KLHDC7A: variants seen among roughly 807,000 people sequenced by gnomAD.
KLHDC7A encodes the protein kelch domain containing 7A.
For synonymous variants in KLHDC7A, 464 were observed against 461.0 expected, an observed-to-expected ratio of 1.01 and a Z score of -0.08; for missense variants, 1,123 against 1,052.6, an observed-to-expected ratio of 1.07 and a Z score of -0.93.
At position 18,482,508 on chromosome 1, in the gene KLHDC7A, T is replaced by C. The variant is rs759599444; in HGVS notation, c.1527T>C (p.Cys509=). 14 of 1,611,956 alleles carry C rather than the reference T, an allele frequency of 8.7e-6. No individual in the cohort carries two copies. Among genetic ancestry groups the C allele is most frequent in the Admixed American group, 1.7e-5 (1 of 60,010 alleles). ...CCAAGGAAGACTCCGGCGGCCTCTG[T>C]TGCTATGACGATGAGCAGGATGTCT... is the stretch of plus-strand genomic sequence containing the variant. ...VCPKEDSGGL[C]CYDDEQDVWR... The change falls in exon 1 of 1, where the codon TGT becomes TGC. Residue 509 remains cysteine (C), a synonymous_variant. Transcript: ENST00000400664.
In KLHDC7A at chr1:18,484,412, G is replaced by A. The variant is rs2086920738; in HGVS notation, c.*1097G>A. Reference sequence around the variant, plus strand: ...CTGTCCTTCCAGGAGGGACGGGAGAGAGCCTGACCCAGTGTATTACCACAG... The same window carrying A: ...CTGTCCTTCCAGGAGGGACGGGAGAAAGCCTGACCCAGTGTATTACCACAG... On this transcript the variant is annotated 3_prime_UTR_variant, in exon 1 of 1. Transcript: ENST00000400664. The A allele has an allele frequency of 4.1e-6, 1 of 241,768 alleles. No individual in the cohort carries two copies. Among genetic ancestry groups the A allele is most frequent in the South Asian group, 6.5e-5 (1 of 15,428 alleles). The allele number at this position is 241,768 out of a possible 1,614,324, so 15.0% of individuals were successfully genotyped here. A position where few individuals can be genotyped will look rare whatever the true frequency, so the allele number is the denominator to read the frequency against.
rs976018040 is a variant in KLHDC7A at position 18,481,821 on chromosome 1, G to T, written c.840G>T (p.Gly280=). 4.3e-6 allele frequency: 7 copies of T among 1,614,100 alleles called. No homozygotes were observed. The highest frequency in any genetic ancestry group is 5.9e-6 in the Non-Finnish European group (7 of 1,180,010). The change falls in exon 1 of 1, where the codon GGG becomes GGT. Residue 280 remains glycine (G), a synonymous_variant. Transcript: ENST00000400664. ...MEEHFIQKAE[G]VEPRLKGKVY... is the part of the protein sequence containing the mutation. ...AGCATTTCATACAGAAGGCGGAGGG[G>T]GTTGAGCCCCGGCTCAAGGGCAAGG... is the stretch of plus-strand genomic sequence containing the variant.
chr1:18,481,936 C>A lies in KLHDC7A; in HGVS notation c.955C>A (p.Pro319Thr), dbSNP rs1452627019. The A allele has an allele frequency of 3.1e-6, 5 of 1,613,196 alleles. No homozygotes were observed. In the African/African-American group the frequency reaches 6.7e-5, roughly 22 times the overall value. Reference protein sequence around the residue: ...RTAALTEVPSPRPPPGSLGTG... With the variant: ...RTAALTEVPSTRPPPGSLGTG... ...AGCAGCCCTGACTGAGGTTCCATCC[C>A]CTAGGCCACCGCCAGGGTCCCTGGG... is the stretch of plus-strand genomic sequence containing the variant. Residue 319 changes from proline (P) to threonine (T), a missense_variant, in exon 1 of 1, where the codon CCT becomes ACT. Transcript: ENST00000400664.
chr1:18,483,476 A>T lies in KLHDC7A; in HGVS notation c.*161A>T. On this transcript the variant is annotated 3_prime_UTR_variant, in exon 1 of 1. Transcript: ENST00000400664. ...TCCTCCCCTAGCTGGGGAGAGAGGG[A>T]TCTTAGATGAGTCTTACCCTTCATG... The T allele has an allele frequency of 6.9e-7, 1 of 1,454,570 alleles. No homozygotes were observed. Among genetic ancestry groups the T allele is most frequent in the Non-Finnish European group, 9.1e-7 (1 of 1,102,422 alleles). 90.1% of individuals were successfully genotyped at this position (1,454,570 alleles called of 1,614,324 possible).
Position 18,483,473 on chromosome 1 carries a change from G to T in KLHDC7A, c.*158G>T. On this transcript the variant is annotated 3_prime_UTR_variant, in exon 1 of 1. Transcript: ENST00000400664. ...TTCTCCTCCCCTAGCTGGGGAGAGA[G>T]GGATCTTAGATGAGTCTTACCCTTC... 1 of 1,457,272 alleles carries T rather than the reference G, an allele frequency of 6.9e-7. No individual in the cohort carries two copies. The allele number at this position is 1,457,272 out of a possible 1,614,324, so 90.3% of individuals were successfully genotyped here. A position where few individuals can be genotyped will look rare whatever the true frequency, so the allele number is the denominator to read the frequency against.
At position 18,485,723 on chromosome 1, in the gene KLHDC7A, G is replaced by A. The variant is rs1204434226; in HGVS notation, c.*2408G>A. On this transcript the variant is annotated 3_prime_UTR_variant, in exon 1 of 1. Coordinates refer to ENST00000400664, the MANE Select transcript of KLHDC7A (RefSeq NM_152375.3). ...CAAGACCTTGGAAAGACACCCTGAG[G>A]GCACAATCGTCCTTGCAGTTTAAGA... 5 of 166,012 alleles carry A rather than the reference G, an allele frequency of 3.0e-5. No individual in the cohort carries two copies. The highest frequency in any genetic ancestry group is 1.2e-4 in the African/African-American group (5 of 41,086). 10.3% of individuals were successfully genotyped at this position (166,012 alleles called of 1,614,324 possible).
Position 18,481,726 on chromosome 1 carries a change from C to A in KLHDC7A, c.745C>A (p.Leu249Met), listed in dbSNP as rs1201443395. ...GGCTGCCTCCGATGTTGACCTGACCCTGCATCAGCAGGAGGGCGCCCCCAA... is the reference window on the plus strand; with the variant it reads ...GGCTGCCTCCGATGTTGACCTGACCATGCATCAGCAGGAGGGCGCCCCCAA... ...LEAASDVDLTLHQQEGAPNSS... is the reference protein window; with the variant it reads ...LEAASDVDLTMHQQEGAPNSS... The change falls in exon 1 of 1, where the codon CTG becomes ATG. Residue 249 changes from leucine to methionine, a missense_variant. Leu to Met is a conservative substitution (Grantham distance 15). Transcript: ENST00000400664. 6.2e-7 allele frequency: 1 copy of A among 1,614,078 alleles called. No homozygotes were observed. Among genetic ancestry groups the A allele is most frequent in the Admixed American group, 1.7e-5 (1 of 60,026 alleles).
Position 18,483,054 on chromosome 1 carries a change from C to T in KLHDC7A, c.2073C>T (p.Ala691=), listed in dbSNP as rs148144311. 1 of 1,613,618 alleles carries T rather than the reference C, an allele frequency of 6.2e-7. No individual in the cohort carries two copies. Among genetic ancestry groups the T allele is most frequent in the South Asian group, 1.1e-5 (1 of 91,076 alleles). ...RFDLNRSLGI[A]VYRCSASTRL... ...ACCTCAACCGCAGCCTGGGCATCGC[C>T]GTGTACCGCTGCAGCGCCAGCACCC... Residue 691 remains alanine, a synonymous_variant, in exon 1 of 1, where the codon GCC becomes GCT. Coordinates refer to ENST00000400664, the MANE Select transcript of KLHDC7A (RefSeq NM_152375.3).
Position 18,482,454 on chromosome 1 carries a change from C to G in KLHDC7A, c.1473C>G (p.Arg491=). 2 of 1,610,840 alleles carry G rather than the reference C, an allele frequency of 1.2e-6. No individual in the cohort carries two copies. The highest frequency in any genetic ancestry group is 2.2e-5 in the South Asian group (2 of 91,036). The change falls in exon 1 of 1, where the codon CGC becomes CGG. Residue 491 remains arginine (R), a synonymous_variant. Transcript: ENST00000400664. ...TCCTGCAGCGCCGGCTCCGGGGCCG[C>G]CAGTACCTGGTGGTGGCTGACGTGT... is the stretch of plus-strand genomic sequence containing the variant. ...ELILQRRLRG[R]QYLVVADVCP... is the part of the protein sequence containing the mutation.
Position 18,481,963 on chromosome 1 carries a change from AC to A in KLHDC7A, c.983del (p.Thr328LysfsTer42). On this transcript the variant is annotated frameshift_variant, in exon 1 of 1. Coordinates refer to ENST00000400664, the MANE Select transcript of KLHDC7A (RefSeq NM_152375.3). LOFTEE classifies it low-confidence loss of function (END_TRUNC). The stretch of plus-strand genomic sequence containing the variant: ...TAGGCCACCGCCAGGGTCCCTGGGA[AC>A]AGGGGCTGCCTCGGGAGGCCAAGCC... ...SPRPPPGSLG[T>X]GAASGGQAGD... is the part of the protein sequence containing the mutation. 6.2e-7 allele frequency: 1 copy of A among 1,613,024 alleles called. No homozygotes were observed. The highest frequency in any genetic ancestry group is 8.5e-7 in the Non-Finnish European group (1 of 1,179,944).
Position 18,483,484 on chromosome 1 carries a change from T to C in KLHDC7A, c.*169T>C. Reference sequence around the variant, plus strand: ...TAGCTGGGGAGAGAGGGATCTTAGATGAGTCTTACCCTTCATGGGCTGCAG... The same window carrying C: ...TAGCTGGGGAGAGAGGGATCTTAGACGAGTCTTACCCTTCATGGGCTGCAG... On this transcript the variant is annotated 3_prime_UTR_variant, in exon 1 of 1. Coordinates refer to ENST00000400664, the MANE Select transcript of KLHDC7A (RefSeq NM_152375.3). 1 of 1,452,014 alleles carries C rather than the reference T, an allele frequency of 6.9e-7. No homozygotes were observed. The highest frequency in any genetic ancestry group is 9.1e-7 in the Non-Finnish European group (1 of 1,101,152). The allele number at this position is 1,452,014 out of a possible 1,614,324, so 89.9% of individuals were successfully genotyped here. A position where few individuals can be genotyped will look rare whatever the true frequency, so the allele number is the denominator to read the frequency against.
chr1:18,483,026 T>A lies in KLHDC7A; in HGVS notation c.2045T>A (p.Phe682Tyr). 1 of 1,613,436 alleles carries A rather than the reference T, an allele frequency of 6.2e-7. No homozygotes were observed. The highest frequency in any genetic ancestry group is 8.5e-7 in the Non-Finnish European group (1 of 1,179,914). ...GCGGTCAACGGCTTTCTCTACCGCT[T>A]TGACCTCAACCGCAGCCTGGGCATC... ...MVAVNGFLYR[F>Y]DLNRSLGIAV... The change falls in exon 1 of 1, where the codon TTT becomes TAT. Residue 682 changes from phenylalanine (F) to tyrosine (Y), a missense_variant. Transcript: ENST00000400664.
In KLHDC7A at chr1:18,483,253, G is replaced by T; in HGVS notation, c.2272G>T (p.Gly758Cys). ...GCTGCGGAGTTTCCCGGCCCCGCAG[G>T]GCACCCTCCTGCCCACCGTCCTGAC... is the stretch of plus-strand genomic sequence containing the variant. ...KELRSFPAPQ[G>C]TLLPTVLTLP... The change falls in exon 1 of 1, where the codon GGC becomes TGC. Residue 758 changes from glycine to cysteine, a missense_variant. Physicochemically the swap from Gly to Cys is radical, Grantham distance 159 (BLOSUM62 -3). Coordinates refer to ENST00000400664, the MANE Select transcript of KLHDC7A (RefSeq NM_152375.3). The T allele has an allele frequency of 6.2e-7, 1 of 1,613,804 alleles. No individual in the cohort carries two copies. Among genetic ancestry groups the T allele is most frequent in the African/African-American group, 1.3e-5 (1 of 75,044 alleles).
At position 18,482,511 on chromosome 1, in the gene KLHDC7A, C is replaced by T. The variant is rs745623764; in HGVS notation, c.1530C>T (p.Cys510=). The change falls in exon 1 of 1, where the codon TGC becomes TGT. Residue 510 remains cysteine, a synonymous_variant. Transcript: ENST00000400664. ...CPKEDSGGLC[C]YDDEQDVWRP... is the part of the protein sequence containing the mutation. ...AGGAAGACTCCGGCGGCCTCTGTTG[C>T]TATGACGATGAGCAGGATGTCTGGC... 2.5e-6 allele frequency: 4 copies of T among 1,612,086 alleles called. No individual in the cohort carries two copies. Among genetic ancestry groups the T allele is most frequent in the Non-Finnish European group, 3.4e-6 (4 of 1,179,938 alleles).
chr1:18,482,976 C>G lies in KLHDC7A; in HGVS notation c.1995C>G (p.Ser665Arg). Residue 665 changes from serine (S) to arginine (R), a missense_variant, in exon 1 of 1, where the codon AGC (serine) becomes AGG (arginine). Ser to Arg is a moderately radical substitution (Grantham distance 110). Coordinates refer to ENST00000400664, the MANE Select transcript of KLHDC7A (RefSeq NM_152375.3). ...GGTGGGCCGGCCCCACCGGGGGCAG[C>G]AAGGACCGCACGGCCGAGATGGTGG... ...QRWWAGPTGG[S>R]KDRTAEMVAV... is the part of the protein sequence containing the mutation. 6.2e-7 allele frequency: 1 copy of G among 1,612,866 alleles called. No individual in the cohort carries two copies.
chr1:18,480,967 G>A lies in KLHDC7A; in HGVS notation c.-15G>A, dbSNP rs1339786916. 1.3e-6 allele frequency: 2 copies of A among 1,558,438 alleles called. No individual in the cohort carries two copies. Among genetic ancestry groups the A allele is most frequent in the Non-Finnish European group, 1.7e-6 (2 of 1,149,320 alleles). On this transcript the variant is annotated 5_prime_UTR_variant, in exon 1 of 1. Transcript: ENST00000400664. The stretch of plus-strand genomic sequence containing the variant: ...GATTCTTGACATTCCTCAGCCCCAG[G>A]TTGGCTGGAGAAGCATGTTCCCCAG...
Position 18,482,749 on chromosome 1 carries a change from C to G in KLHDC7A, c.1768C>G (p.His590Asp). 1.9e-6 allele frequency: 3 copies of G among 1,610,610 alleles called. No homozygotes were observed. The highest frequency in any genetic ancestry group is 2.5e-6 in the Non-Finnish European group (3 of 1,179,324). The part of the protein sequence containing the change: ...PHCRLVALDG[H>D]LYAIGGECLN... ...CTGCCGGCTGGTGGCCCTGGACGGG[C>G]ACCTGTATGCCATCGGCGGAGAGTG... Residue 590 changes from histidine to aspartate, a missense_variant, in exon 1 of 1, where the codon CAC (histidine) becomes GAC (aspartate). Coordinates refer to ENST00000400664, the MANE Select transcript of KLHDC7A (RefSeq NM_152375.3).
Position 18,483,983 on chromosome 1 carries a change from A to G in KLHDC7A, c.*668A>G, listed in dbSNP as rs1389318569. 2 of 1,304,224 alleles carry G rather than the reference A, an allele frequency of 1.5e-6. No homozygotes were observed. Among genetic ancestry groups the G allele is most frequent in the South Asian group, 1.2e-5 (1 of 81,024 alleles). 80.8% of individuals were successfully genotyped at this position (1,304,224 alleles called of 1,614,324 possible). ...CAAAGCCCACATTACTTTTCTCCTT[A>G]TTGGAAGAAAGAGAAGCAGCCATTG... is the stretch of plus-strand genomic sequence containing the variant. On this transcript the variant is annotated 3_prime_UTR_variant, in exon 1 of 1. Coordinates refer to ENST00000400664, the MANE Select transcript of KLHDC7A (RefSeq NM_152375.3).
In KLHDC7A at chr1:18,483,126, C is replaced by T. The variant is rs2086910436; in HGVS notation, c.2145C>T (p.Ala715=). 2 of 1,614,024 alleles carry T rather than the reference C, an allele frequency of 1.2e-6. No homozygotes were observed. Among genetic ancestry groups the T allele is most frequent in the Non-Finnish European group, 1.7e-6 (2 of 1,180,042 alleles). ...CGTACCGGACGCCTTACCCGGATGC[C>T]TTCCAGTGCGCCGTGGTGGACAACC... ...CATYRTPYPD[A]FQCAVVDNLI... The change falls in exon 1 of 1, where the codon GCC becomes GCT. Residue 715 remains alanine (A), a synonymous_variant. Transcript: ENST00000400664.
Sources: allele counts gnomAD v4.1 joint callset, GRCh38; gene constraint gnomAD v4.1.1; transcripts MANE v1.5; gene names NCBI Gene and HGNC (gene_info 2026-07-23, HGNC 2026-07-21).